The following SATB2 variants were observed in gnomAD, a reference collection of about 807,000 sequenced individuals.
SATB2 encodes the protein DNA-binding protein SATB2.
A neutral mutation model predicts 73.4 loss-of-function variants in SATB2; 1 was observed. That is an observed-to-expected ratio of 0.01 (90% CI 0.00 to 0.06). The LOEUF (loss-of-function observed/expected upper bound fraction) is 0.06. Ranked by LOEUF, SATB2 falls within the 10% of genes least tolerant of loss-of-function variation. The probability of loss-of-function intolerance (pLI) is 1.00; values close to 1 mark genes in which losing one functional copy is unlikely to be tolerated. For missense variants in SATB2, 459 were observed against 945.8 expected (o/e 0.49, Z 6.75); for synonymous variants, 397 against 367.0 (o/e 1.08, Z -0.93).
intron 3 of SATB2, among the ~76,000 whole-genome samples, chr2:199,399,374 G>A (rs1690401801): frequency 6.6e-6 from 1 of 152,194 alleles, no homozygotes; most frequent in African/African-American, 2.4e-5. Context: ...TCTTGGGAGT[G>A]AAAGCCATTT....
At position 199,462,970 on chromosome 2, in the gene SATB2, TC is replaced by T. The variant is rs1396341096; in HGVS notation, c.-141+1865del. 3.3e-5 allele frequency among the ~76,000 whole-genome samples: 5 copies of T among 152,134 alleles called. No homozygotes were observed. Among genetic ancestry groups the T allele is most frequent in the African/African-American group, 1.2e-4 (5 of 41,450 alleles). ...GACGGGGAGCTTTCTGCACTGGGCT[TC>T]CCGGGGTAGGAGATGGGCGTCGGGT... On this transcript the variant is annotated intron_variant, in intron 1 of 11. Coordinates refer to the SATB2 transcript ENST00000260926. This position sits in a 1 kb window ranked among gnomAD's most constrained non-coding sequence, Gnocchi z 5.9.
chr2:199,362,481 G>A (rs1212427093), intron 6 of SATB2, among the ~76,000 whole-genome samples: 1 of 151,598 alleles, frequency 6.6e-6, no homozygotes, highest in South Asian at 2.1e-4. Context: ...TGCTTCCCCT[G>A]CCAGGTTAAG....
At chr2:199,313,167 A>T (rs1001752843) in intron 9 of SATB2, among the ~76,000 whole-genome samples, 1 of 152,202 alleles carries the variant, frequency 6.6e-6, no homozygotes, top group Non-Finnish European at 1.5e-5. Context: ...TAAGGTGTCA[A>T]CATTAGGGGA....
intron 3 of SATB2, among the ~76,000 whole-genome samples, chr2:199,419,294 TA>T (rs1691094172): frequency 6.6e-6 from 1 of 152,190 alleles, no homozygotes; most frequent in South Asian, 2.1e-4. Context: ...TCAGTTTTAC[TA>T]TGAATATATT....
Position 199,277,751 on chromosome 2 carries a change from G to T in SATB2, c.1741-5079C>A, listed in dbSNP as rs550899933. On this transcript the variant is annotated intron_variant, in intron 10 of 10. Coordinates refer to ENST00000417098, the MANE Select transcript of SATB2 (RefSeq NM_001172509.2). ...TACCATTCATATAAAGCTTACTCAT[G>T]AGACACACATTGACCTAAATGCTAT... 3.2e-4 allele frequency among the ~76,000 whole-genome samples: 49 copies of T among 152,254 alleles called. 1 individual carries two copies. Among genetic ancestry groups the T allele is most frequent in the African/African-American group, 1.1e-3 (47 of 41,540 alleles).
At chr2:199,350,041 G>C (rs1052484782) in intron 6 of SATB2, among the ~76,000 whole-genome samples, 2 of 152,096 alleles carry the variant, frequency 1.3e-5, no homozygotes, top group African/African-American at 4.8e-5. Flanking sequence ...ACAAAGTTTG[G>C]TTTGGAGAAA....
chr2:199,450,215 T>A (rs1692084017), intron 2 of SATB2, among the ~76,000 whole-genome samples: 1 of 152,126 alleles, frequency 6.6e-6, no homozygotes, highest in Admixed American at 6.5e-5. Flanking sequence ...AACAGTATTA[T>A]ATCACTGCAA....
At chr2:199,382,090 G>A (rs1689796336) in intron 3 of SATB2, among the ~76,000 whole-genome samples, 1 of 152,078 alleles carries the variant, frequency 6.6e-6, no homozygotes, top group Non-Finnish European at 1.5e-5. Context: ...AAACCATACG[G>A]ATACTTCCTT....
chr2:199,277,046 T>G (rs1252600060), intron 10 of SATB2, among the ~76,000 whole-genome samples: 1 of 152,070 alleles, frequency 6.6e-6, no homozygotes, highest in Non-Finnish European at 1.5e-5. Context: ...GTGAAAGAAG[T>G]CAGATATGAA....
At chr2:199,391,378 A>T (rs902482419) in intron 3 of SATB2, among the ~76,000 whole-genome samples, 2 of 149,122 alleles carry the variant, frequency 1.3e-5, no homozygotes, top group African/African-American at 5.0e-5. Flanking sequence ...GGTTGCAGTG[A>T]CCAGAGATTG....
At chr2:199,389,607 G>GCA (rs149153505) in intron 3 of SATB2, among the ~76,000 whole-genome samples, 27 of 151,930 alleles carry the variant, frequency 1.8e-4, no homozygotes, top group African/African-American at 5.3e-4. Context: ...AAGTGTGTGA[G>GCA]CACACACACA....
At chr2:199,416,830 A>G (rs1213116313) in intron 3 of SATB2, among the ~76,000 whole-genome samples, 2 of 152,078 alleles carry the variant, frequency 1.3e-5, no homozygotes, top group Non-Finnish European at 2.9e-5. Context: ...AGGTCAGGAG[A>G]TCGAGACCAT....
intron 3 of SATB2, among the ~76,000 whole-genome samples, chr2:199,415,026 A>G (rs773058562): frequency 6.6e-6 from 1 of 152,200 alleles, no homozygotes; most frequent in Non-Finnish European, 1.5e-5. Flanking sequence ...CGGGGAAAAT[A>G]AAAGAAGGAA....
intron 2 of SATB2, among the ~76,000 whole-genome samples, chr2:199,449,552 T>C (rs1285525685): frequency 6.6e-6 from 1 of 152,162 alleles, no homozygotes; most frequent in African/African-American, 2.4e-5. Context: ...TTGCTAACAA[T>C]AAAGAGCAAC....
At chr2:199,275,552 G>A (rs762566251) in intron 10 of SATB2, among the ~76,000 whole-genome samples, 2 of 152,040 alleles carry the variant, frequency 1.3e-5, no homozygotes, top group South Asian at 2.1e-4. Context: ...ATTCTCCTCC[G>A]AATTGGAAAT....
chr2:199,363,614 T>C (rs2105843736), intron 6 of SATB2, among the ~76,000 whole-genome samples: 1 of 152,246 alleles, frequency 6.6e-6, no homozygotes, highest in Non-Finnish European at 1.5e-5. Flanking sequence ...ACTGTGCATT[T>C]TAATATCACA....
At chr2:199,439,546 A>T (rs1691749106) in intron 2 of SATB2, among the ~76,000 whole-genome samples, 1 of 152,222 alleles carries the variant, frequency 6.6e-6, no homozygotes, top group African/African-American at 2.4e-5. Context: ...GAAATACTGA[A>T]ACAAACTTTA....
chr2:199,351,029 CAAAAAAAAA>C (rs35503848), intron 6 of SATB2, among the ~76,000 whole-genome samples: 5 of 71,696 alleles, frequency 7.0e-5, no homozygotes, highest in African/African-American at 1.4e-4. Flanking sequence ...ACTCTGTCTC[CAAAAAAAAA>C]AAAAAAAAAA....
chr2:199,285,254 A>G (rs1692650654), intron 10 of SATB2, among the ~76,000 whole-genome samples: 2 of 152,108 alleles, frequency 1.3e-5, no homozygotes, highest in African/African-American at 4.8e-5. Context: ...TCCTTACTTG[A>G]GTCAAATCAC....
Sources: allele counts gnomAD v4.1 joint callset (sites outside exome capture counted in the v4.1 genomes callset), GRCh38; gene constraint gnomAD v4.1.1; non-coding constraint Gnocchi (gnomAD v3.1); transcripts MANE v1.5; gene names NCBI Gene and HGNC (gene_info 2026-07-23, HGNC 2026-07-21).